DIP2C: variants seen among roughly 807,000 people sequenced by gnomAD.
DIP2C encodes the protein DIP2 acetate--CoA ligase C (putative).
DIP2C carries 33 observed loss-of-function variants against 192.4 expected under a neutral mutation model. That is an observed-to-expected ratio of 0.17 (90% CI 0.13 to 0.23). DIP2C has a LOEUF of 0.23. Among genes scored for constraint, DIP2C ranks in the 10% least tolerant of loss-of-function variants. The pLI is 1.00. For synonymous variants in DIP2C, 979 were observed against 864.1 expected, an observed-to-expected ratio of 1.13 and a Z score of -2.33; for missense variants, 1,537 against 2,110.1, an observed-to-expected ratio of 0.73 and a Z score of 5.32.
At chr10:513,479 C>T (rs1488471744) in intron 1 of DIP2C, among the ~76,000 whole-genome samples, 1 of 152,202 alleles carries the variant, frequency 6.6e-6, no homozygotes, top group East Asian at 1.9e-4. Flanking sequence ...CGCGCCTCTC[C>T]TCCACCGCGC....
intron 3 of DIP2C, among the ~76,000 whole-genome samples, chr10:441,441 G>A (rs1359098701): frequency 6.6e-6 from 1 of 152,114 alleles, no homozygotes; most frequent in African/African-American, 2.4e-5. Context: ...GACATGGGTT[G>A]GCTGTGTCCC....
chr10:303,385 T>A (rs1420146248), intron 32 of DIP2C, among the ~76,000 whole-genome samples: 1 of 152,252 alleles, frequency 6.6e-6, no homozygotes, highest in Non-Finnish European at 1.5e-5. Flanking sequence ...TAAATTAACC[T>A]ACATTTACTG....
In DIP2C at chr10:274,538, C is replaced by G. The variant is rs1228390603; in HGVS notation, c.*2787G>C. The G allele has an allele frequency of 1.3e-5, 2 of 152,198 alleles. No homozygotes were observed. Among genetic ancestry groups the G allele is most frequent in the African/African-American group, 4.8e-5 (2 of 41,444 alleles). The allele number at this position is 152,198 out of a possible 1,614,324, so 9.4% of individuals were successfully genotyped here. A position where few individuals can be genotyped will look rare whatever the true frequency, so the allele number is the denominator to read the frequency against. On this transcript the variant is annotated 3_prime_UTR_variant, in exon 37 of 37. Coordinates refer to ENST00000280886, the MANE Select transcript of DIP2C (RefSeq NM_014974.3). ...CGTTATCACAGATGTACAAAGCGTA[C>G]TGGTGGTTTAACATACAAGAAGGTT... is the stretch of plus-strand genomic sequence containing the variant.
At position 570,052 on chromosome 10, in the gene DIP2C, G is replaced by T. The variant is rs1588482178; in HGVS notation, c.86-83522C>A. On this transcript the variant is annotated intron_variant, in intron 1 of 36. Transcript: ENST00000280886. ...CAGCCAACCTTGCACTCCACAGACTGAAGTATGCCAAGAGCCACTCAAGGC... is the reference window on the plus strand; with the variant it reads ...CAGCCAACCTTGCACTCCACAGACTTAAGTATGCCAAGAGCCACTCAAGGC... 2.0e-5 allele frequency among the ~76,000 whole-genome samples: 3 copies of T among 152,242 alleles called. No individual in the cohort carries two copies. The South Asian group carries it at 6.2e-4, about 32-fold the overall frequency.
chr10:330,484 T>C (rs1018137093), intron 29 of DIP2C, among the ~76,000 whole-genome samples: 1 of 152,148 alleles, frequency 6.6e-6, no homozygotes, highest in Non-Finnish European at 1.5e-5. Context: ...ATATCCTAGA[T>C]AAATCACGTT....
chr10:548,213 C>CCCG (rs1554897812), intron 1 of DIP2C, among the ~76,000 whole-genome samples: 1 of 100,208 alleles, frequency 1.0e-5, no homozygotes, highest in Non-Finnish European at 2.2e-5. Context: ...GCCCCACCCC[C>CCCG]CCCCCCACAG....
intron 3 of DIP2C, among the ~76,000 whole-genome samples, chr10:445,851 GC>G (rs1422372661): frequency 6.7e-6 from 1 of 149,358 alleles, no homozygotes; most frequent in Non-Finnish European, 1.5e-5. Flanking sequence ...AGTCTATCTT[GC>G]ACTGGCCATC....
intron 8 of DIP2C, 117 bp downstream of exon 8, chr10:413,796 G>T: frequency 7.6e-7 from 1 of 1,323,652 alleles, no homozygotes; most frequent in Non-Finnish European, 1.0e-6. Context: ...GCAAAGGGCA[G>T]AGGGTTAGCC....
intron 1 of DIP2C, among the ~76,000 whole-genome samples, chr10:576,916 TA>T (rs931243943): frequency 7.3e-5 from 11 of 150,688 alleles, no homozygotes; most frequent in African/African-American, 2.0e-4. Context: ...AGATTCTGTC[TA>T]ATAAAAAAAA....
intron 17 of DIP2C, among the ~76,000 whole-genome samples, chr10:372,225 C>T (rs1304667672): frequency 6.6e-6 from 1 of 152,074 alleles, no homozygotes; most frequent in Non-Finnish European, 1.5e-5. Context: ...ACAGGCGCCG[C>T]CACCACAGCC....
chr10:591,530 A>G (rs1851403061), intron 1 of DIP2C, among the ~76,000 whole-genome samples: 1 of 152,234 alleles, frequency 6.6e-6, no homozygotes, highest in African/African-American at 2.4e-5. Context: ...TACCCATTTG[A>G]AGTACAAATA....
At chr10:526,423 A>G (rs1382488955) in intron 1 of DIP2C, among the ~76,000 whole-genome samples, 1 of 152,066 alleles carries the variant, frequency 6.6e-6, no homozygotes, top group Non-Finnish European at 1.5e-5. Flanking sequence ...ACCACTGTAG[A>G]GACTAATTTC....
intron 1 of DIP2C, chr10:662,204 G>A (rs1381039815): frequency 6.7e-5 from 46 of 691,612 alleles, no homozygotes; most frequent in South Asian, 5.5e-4. Flanking sequence ...AAAGAGTACA[G>A]GCCTCACACC....
At chr10:523,807 G>A (rs1846882124) in intron 1 of DIP2C, among the ~76,000 whole-genome samples, 1 of 152,250 alleles carries the variant, frequency 6.6e-6, no homozygotes, top group African/African-American at 2.4e-5. Context: ...GAGCGAGGAT[G>A]CAGGGACTGC....
rs1455072348 is a variant in DIP2C, at chr10:636,251, G to A, written c.85+53243C>T. 6.6e-6 allele frequency among the ~76,000 whole-genome samples: 1 copy of A among 152,132 alleles called. No homozygotes were observed. The highest frequency in any genetic ancestry group is 1.5e-5 in the Non-Finnish European group (1 of 68,016). On this transcript the variant is annotated intron_variant, in intron 1 of 36. Transcript: ENST00000280886. This position sits in a 1 kb window ranked among gnomAD's most constrained non-coding sequence, Gnocchi z 4.6. ...GGCTGAACCCAAGGGTGCTTGGCTT[G>A]ACTCACTTCCATACCAATTTCCAGA...
chr10:659,162 T>C (rs1446365680), intron 1 of DIP2C, among the ~76,000 whole-genome samples: 1 of 152,212 alleles, frequency 6.6e-6, no homozygotes, highest in African/African-American at 2.4e-5. Context: ...ACACATAACA[T>C]GCACACATAT....
intron 1 of DIP2C, among the ~76,000 whole-genome samples, chr10:582,194 A>AC (rs981909810): frequency 6.6e-6 from 1 of 152,128 alleles, no homozygotes; most frequent in Admixed American, 6.5e-5. Flanking sequence ...GTGGACTGGC[A>AC]CCAGTCTGCA....
At chr10:399,617 GTTTGGCT>G (rs1345403671) in intron 9 of DIP2C, among the ~76,000 whole-genome samples, 2 of 152,216 alleles carry the variant, frequency 1.3e-5, no homozygotes, top group East Asian at 3.9e-4. Flanking sequence ...CCATGGCAGT[GTTTGGCT>G]CTGGGATCTC....
intron 1 of DIP2C, among the ~76,000 whole-genome samples, chr10:520,889 T>C (rs1340443178): frequency 1.3e-5 from 2 of 152,254 alleles, no homozygotes; most frequent in Non-Finnish European, 2.9e-5. Context: ...TTTTAATCAA[T>C]ACTTTTAAAG....
Sources: allele counts gnomAD v4.1 joint callset (sites outside exome capture counted in the v4.1 genomes callset), GRCh38; gene constraint gnomAD v4.1.1; non-coding constraint Gnocchi (gnomAD v3.1); transcripts MANE v1.5; gene names NCBI Gene and HGNC (gene_info 2026-07-23, HGNC 2026-07-21).